CRY1: variants seen among roughly 807,000 people sequenced by gnomAD.
CRY1 encodes the protein cryptochrome circadian regulator 1.
Under a neutral mutation model 76.0 loss-of-function variants are expected in CRY1, and 45 were observed. The observed-to-expected ratio is 0.59, with a 90% CI of 0.47 to 0.76. The LOEUF (loss-of-function observed/expected upper bound fraction) is 0.76, where lower values mean the gene tolerates loss of function less well. Ranked by LOEUF, CRY1 falls within the 30% of genes least tolerant of loss-of-function variation. The probability of loss-of-function intolerance (pLI) is 0.00; values close to 1 mark genes in which losing one functional copy is unlikely to be tolerated. For synonymous variants in CRY1, 248 were observed against 244.0 expected, an observed-to-expected ratio of 1.02 and a Z score of -0.15; for missense variants, 587 against 716.4, an observed-to-expected ratio of 0.82 and a Z score of 2.06.
intron 2 of CRY1, among the ~76,000 whole-genome samples, chr12:107,015,366 G>T (rs1263875444): frequency 1.0e-4 from 15 of 149,710 alleles, no homozygotes; most frequent in African/African-American, 3.7e-4. Context: ...TTGAGACAAG[G>T]TCTCACTCTG....
At chr12:107,022,418 TAAATA>T (rs1486905310) in intron 1 of CRY1, among the ~76,000 whole-genome samples, 1 of 152,078 alleles carries the variant, frequency 6.6e-6, no homozygotes, top group African/African-American at 2.4e-5. Context: ...TAATTTTCAT[TAAATA>T]AAAGTGACTA....
At chr12:107,086,690 A>C (rs1953406152) in intron 1 of CRY1, among the ~76,000 whole-genome samples, 1 of 152,244 alleles carries the variant, frequency 6.6e-6, no homozygotes, top group East Asian at 1.9e-4. Flanking sequence ...TTAAGTCTGC[A>C]GGTATACAGA....
chr12:107,092,971 C>T lies in CRY1; in HGVS notation c.-10G>A. 2.0e-6 allele frequency: 3 copies of T among 1,526,450 alleles called. No homozygotes were observed. The highest frequency in any genetic ancestry group is 2.6e-6 in the Non-Finnish European group (3 of 1,141,466). 94.6% of individuals were successfully genotyped at this position (1,526,450 alleles called of 1,614,324 possible). ...CGGCGTTCACCCCCATGCCGGGGGG[C>T]GCGGCGGGTCCTCCACGGAGAAATT... is the stretch of plus-strand genomic sequence containing the variant. On this transcript the variant is annotated 5_prime_UTR_variant, in exon 1 of 13. Coordinates refer to ENST00000008527, the MANE Select transcript of CRY1 (RefSeq NM_004075.5).
intron 2 of CRY1, among the ~76,000 whole-genome samples, chr12:107,009,264 C>T (rs1002652650): frequency 4.6e-5 from 7 of 151,940 alleles, no homozygotes; most frequent in Non-Finnish European, 1.0e-4. Context: ...ATATTGCAGG[C>T]TGGGCACGGT....
chr12:107,026,773 T>G lies in CRY1; in HGVS notation c.159-4581A>C, dbSNP rs554805911. 5.6e-3 allele frequency among the ~76,000 whole-genome samples: 206 copies of G among 37,012 alleles called. 4 individuals carry two copies. Among genetic ancestry groups the G allele is most frequent in the Non-Finnish European group, 3.6e-3 (50 of 14,004 alleles). 24.3% of individuals were successfully genotyped at this position (37,012 alleles called of 152,430 possible). ...TTTCCCTTGAGAATAATTCCTGTTT[T>G]TTTTTTTTTTTTTTTTTAAAGAAAA... On this transcript the variant is annotated intron_variant, in intron 1 of 12. Coordinates refer to ENST00000008527, the MANE Select transcript of CRY1 (RefSeq NM_004075.5).
intron 2 of CRY1, 38 bp downstream of exon 2, chr12:107,022,046 G>T: frequency 7.1e-7 from 1 of 1,411,488 alleles, no homozygotes; most frequent in South Asian, 1.2e-5. Flanking sequence ...AATATTATCT[G>T]AGAAAAGATT....
At chr12:107,085,422 A>G (rs546734348) in intron 1 of CRY1, among the ~76,000 whole-genome samples, 1 of 152,364 alleles carries the variant, frequency 6.6e-6, no homozygotes, top group African/African-American at 2.4e-5. Flanking sequence ...CCAAATGCCC[A>G]TCAATGATAG....
chr12:107,019,097 CTAAT>C (rs1952525833), intron 2 of CRY1, among the ~76,000 whole-genome samples: 1 of 152,174 alleles, frequency 6.6e-6, no homozygotes, highest in East Asian at 1.9e-4. Context: ...ACCTGAGACA[CTAAT>C]TAAGTAACTC....
At position 107,005,163 on chromosome 12, in the gene CRY1, G is replaced by C. The variant is rs139954760; in HGVS notation, c.353C>G (p.Thr118Ser). 3.7e-6 allele frequency: 6 copies of C among 1,613,206 alleles called. No individual in the cohort carries two copies. The highest frequency in any genetic ancestry group is 5.1e-6 in the Non-Finnish European group (6 of 1,179,854). Reference protein sequence around the residue: ...ERDAAIKKLATEAGVEVIVRI... With the variant: ...ERDAAIKKLASEAGVEVIVRI... ...TACAATGACTTCTACTCCAGCTTCA[G>C]TTGCCAGTTTCTTAATAGCTGCGTC... is the stretch of plus-strand genomic sequence containing the variant. The change falls in exon 3 of 13, where the codon ACT becomes AGT. Residue 118 changes from threonine (T) to serine (S), a missense_variant. Physicochemically the swap from Thr to Ser is moderately conservative, Grantham distance 58. Transcript: ENST00000008527.
At chr12:107,070,899 T>G (rs1953183431) in intron 1 of CRY1, among the ~76,000 whole-genome samples, 1 of 150,342 alleles carries the variant, frequency 6.7e-6, no homozygotes, top group Admixed American at 6.6e-5. Flanking sequence ...AGAGACAGGG[T>G]TTCACCGTGC....
chr12:107,048,513 C>T (rs192206863), intron 1 of CRY1, among the ~76,000 whole-genome samples: 2 of 152,286 alleles, frequency 1.3e-5, no homozygotes, highest in Admixed American at 1.3e-4. Flanking sequence ...ATTTGATCTG[C>T]AGATTCTGTT....
intron 1 of CRY1, among the ~76,000 whole-genome samples, chr12:107,076,854 T>C (rs1953260417): frequency 6.6e-6 from 1 of 151,996 alleles, no homozygotes; most frequent in Admixed American, 6.6e-5. Context: ...TGAAATCTGG[T>C]CATTTAAAAG....
chr12:107,062,758 C>T (rs1295167283), intron 1 of CRY1, among the ~76,000 whole-genome samples: 1 of 152,158 alleles, frequency 6.6e-6, no homozygotes, highest in South Asian at 2.1e-4. Flanking sequence ...ACCATGAATA[C>T]AGGATTATCC....
At chr12:107,074,499 T>A (rs1418392478) in intron 1 of CRY1, among the ~76,000 whole-genome samples, 1 of 152,186 alleles carries the variant, frequency 6.6e-6, no homozygotes, top group Non-Finnish European at 1.5e-5. Flanking sequence ...TTCTCTTTTT[T>A]TTAAATAGCA....
intron 1 of CRY1, among the ~76,000 whole-genome samples, chr12:107,086,851 C>A (rs1365636650): frequency 2.6e-5 from 4 of 152,192 alleles, no homozygotes; most frequent in Non-Finnish European, 4.4e-5. Context: ...GGGTTACAGT[C>A]CCCACAGAGA....
chr12:107,010,146 A>C (rs1294770957), intron 2 of CRY1, among the ~76,000 whole-genome samples: 1 of 136,634 alleles, frequency 7.3e-6, no homozygotes, highest in Non-Finnish European at 1.6e-5. Flanking sequence ...TTCATCTCAG[A>C]TATATAATTT....
At chr12:107,087,566 A>G (rs1953418107) in intron 1 of CRY1, among the ~76,000 whole-genome samples, 1 of 152,200 alleles carries the variant, frequency 6.6e-6, no homozygotes, top group Admixed American at 6.5e-5. Context: ...GTCCCTTTTA[A>G]AATGAAAATA....
intron 1 of CRY1, among the ~76,000 whole-genome samples, chr12:107,036,716 C>T (rs1045443764): frequency 6.6e-6 from 1 of 152,080 alleles, no homozygotes; most frequent in Non-Finnish European, 1.5e-5. Context: ...GCCACATGTC[C>T]TCCTTGGGAT....
chr12:107,081,673 T>A (rs1953327033), intron 1 of CRY1, among the ~76,000 whole-genome samples: 1 of 152,072 alleles, frequency 6.6e-6, no homozygotes, highest in African/African-American at 2.4e-5. Context: ...AGGTACTATC[T>A]GTTAAGTGAG....
Sources: gnomAD v4.1 joint callset for allele counts (sites outside exome capture counted in the v4.1 genomes callset) on GRCh38, gnomAD v4.1.1 for gene constraint, MANE v1.5 for transcripts, NCBI Gene and HGNC (gene_info 2026-07-23, HGNC 2026-07-21) for gene names.